Variants in DDR2 observed in about 807,000 individuals in gnomAD.
DDR2 encodes discoidin domain-containing receptor 2.
Under a neutral mutation model 94.9 loss-of-function variants are expected in DDR2, and 27 were observed. That is an observed-to-expected ratio of 0.28 (90% confidence interval 0.21 to 0.39). The LOEUF is 0.39. Among genes scored for constraint, DDR2 ranks in the 10% least tolerant of loss-of-function variants. The pLI is 1.00. For synonymous variants in DDR2, 382 were observed against 377.2 expected, an observed-to-expected ratio of 1.01 and a Z score of -0.15; for missense variants, 783 against 1,076.0, an observed-to-expected ratio of 0.73 and a Z score of 3.81.
chr1:162,665,349 C>T (rs1658497857), intron 2 of DDR2, among the ~76,000 whole-genome samples: 1 of 152,084 alleles, frequency 6.6e-6, no homozygotes, highest in Non-Finnish European at 1.5e-5. Context: ...AGATGGTTGC[C>T]AACATTCCTT....
chr1:162,670,926 TC>T (rs1209499506), intron 2 of DDR2, among the ~76,000 whole-genome samples: 2 of 152,232 alleles, frequency 1.3e-5, no homozygotes, highest in African/African-American at 4.8e-5. Flanking sequence ...TGCTGCTTTT[TC>T]CTTTGGCCCT....
chr1:162,707,128 G>A (rs1660699042), intron 2 of DDR2, among the ~76,000 whole-genome samples: 1 of 152,128 alleles, frequency 6.6e-6, no homozygotes, highest in Non-Finnish European at 1.5e-5. Flanking sequence ...TAGGTATGGG[G>A]CTAGAGAGCC....
chr1:162,753,297 G>A, intron 4 of DDR2, 100 bp downstream of exon 4: 1 of 1,064,834 alleles, frequency 9.4e-7, no homozygotes. Context: ...GGTGTTATTG[G>A]CAGGAACTGT....
chr1:162,740,977 C>T (rs1388168913), intron 3 of DDR2, among the ~76,000 whole-genome samples: 6 of 151,852 alleles, frequency 4.0e-5, no homozygotes, highest in Non-Finnish European at 5.9e-5. Context: ...TTGGTTAAAG[C>T]AAAGGTTAAA....
chr1:162,666,383 A>G (rs1271619906), intron 2 of DDR2, among the ~76,000 whole-genome samples: 1 of 152,212 alleles, frequency 6.6e-6, no homozygotes, highest in East Asian at 1.9e-4. Flanking sequence ...GTATTTGTGG[A>G]ATGAATGAAT....
chr1:162,657,027 T>C (rs542657189), intron 2 of DDR2, among the ~76,000 whole-genome samples: 1 of 151,666 alleles, frequency 6.6e-6, no homozygotes, highest in South Asian at 2.1e-4. Flanking sequence ...TTTGTGGAGA[T>C]GAGGGTCTCA....
intron 2 of DDR2, among the ~76,000 whole-genome samples, chr1:162,690,940 A>G (rs1487991258): frequency 6.6e-6 from 1 of 152,182 alleles, no homozygotes; most frequent in African/African-American, 2.4e-5. Flanking sequence ...ATTTGTATTC[A>G]TTCTTTCACC....
At chr1:162,692,640 A>G (rs192758304) in intron 2 of DDR2, among the ~76,000 whole-genome samples, 6 of 152,378 alleles carry the variant, frequency 3.9e-5, no homozygotes, top group African/African-American at 1.2e-4. Flanking sequence ...GACTTGTATT[A>G]CCAAGCATTG....
At chr1:162,637,417 C>G (rs1403540388) in intron 1 of DDR2, among the ~76,000 whole-genome samples, 1 of 151,974 alleles carries the variant, frequency 6.6e-6, no homozygotes, top group African/African-American at 2.4e-5. Context: ...AATTATAGAG[C>G]AACTTTAGCT....
At chr1:162,701,273 GCTGTAGTAGAGGATAGC>G (rs1322771065) in intron 2 of DDR2, among the ~76,000 whole-genome samples, 1 of 152,234 alleles carries the variant, frequency 6.6e-6, no homozygotes, top group Non-Finnish European at 1.5e-5. Context: ...AAACAGTTCA[GCTGTAGTAGAGGATAGC>G]CTGATATCCT....
intron 2 of DDR2, among the ~76,000 whole-genome samples, chr1:162,696,752 T>C (rs1281803373): frequency 6.6e-6 from 1 of 152,074 alleles, no homozygotes; most frequent in Admixed American, 6.5e-5. Context: ...TTTGCCCAAC[T>C]CTTCCTGCTG....
chr1:162,653,058 T>C (rs1428771646), intron 1 of DDR2, among the ~76,000 whole-genome samples: 1 of 152,096 alleles, frequency 6.6e-6, no homozygotes, highest in Non-Finnish European at 1.5e-5. Flanking sequence ...TGAGCCATGA[T>C]CACGCCACTG....
At chr1:162,702,332 C>T (rs540742325) in intron 2 of DDR2, among the ~76,000 whole-genome samples, 1 of 152,164 alleles carries the variant, frequency 6.6e-6, no homozygotes, top group Admixed American at 6.5e-5. Context: ...TTACCTTCTC[C>T]TCCATCTTAT....
At chr1:162,632,899 A>G (rs924597909) in intron 1 of DDR2, among the ~76,000 whole-genome samples, 10 of 152,360 alleles carry the variant, frequency 6.6e-5, no homozygotes, top group South Asian at 2.1e-4. Context: ...AATCTATAGC[A>G]GCTGCAAGAT....
chr1:162,766,760 G>A (rs768266184), intron 10 of DDR2, among the ~76,000 whole-genome samples: 212 of 152,222 alleles, frequency 1.4e-3, no homozygotes, highest in African/African-American at 2.6e-3. Flanking sequence ...CAGATTGGGC[G>A]TGGTGGCTCA....
chr1:162,634,404 T>C (rs1207942722), intron 1 of DDR2, among the ~76,000 whole-genome samples: 1 of 152,254 alleles, frequency 6.6e-6, no homozygotes, highest in South Asian at 2.1e-4. Flanking sequence ...GCAAGAGGTA[T>C]TGGACATGCA....
intron 2 of DDR2, among the ~76,000 whole-genome samples, chr1:162,689,116 G>A (rs1659833416): frequency 2.6e-5 from 4 of 152,206 alleles, no homozygotes; most frequent in East Asian, 1.9e-4. Context: ...CTAGTGTCAC[G>A]CTGCACTGTG....
At chr1:162,720,348 G>A (rs757300512) in intron 3 of DDR2, among the ~76,000 whole-genome samples, 10 of 152,004 alleles carry the variant, frequency 6.6e-5, no homozygotes, top group Admixed American at 1.3e-4. Context: ...CCATTATCCT[G>A]CTTTCTAGCA....
At position 162,761,766 on chromosome 1, in the gene DDR2, G is replaced by A. The variant is rs568303942; in HGVS notation, c.1099+312G>A. ...CGCTGTTAAGGAAAAGCACACCTAA[G>A]CATTACTGAGATATTTAAATGAAAA... is the stretch of plus-strand genomic sequence containing the variant. On this transcript the variant is annotated intron_variant, in intron 9 of 17. Coordinates refer to ENST00000367921, the MANE Select transcript of DDR2 (RefSeq NM_006182.4). 5.9e-5 allele frequency among the ~76,000 whole-genome samples: 9 copies of A among 152,262 alleles called. No homozygotes were observed. The South Asian group carries it at 8.3e-4, about 14-fold the overall frequency.
Sources: gnomAD v4.1 joint callset for allele counts (sites outside exome capture counted in the v4.1 genomes callset) on GRCh38, gnomAD v4.1.1 for gene constraint, MANE v1.5 for transcripts, NCBI Gene and HGNC (gene_info 2026-07-23, HGNC 2026-07-21) for gene names.